ALK: variants seen among roughly 807,000 people sequenced by gnomAD.
ALK encodes ALK receptor tyrosine kinase.
ALK carries 74 observed loss-of-function variants against 163.1 expected under a neutral mutation model. The ratio of observed to expected loss-of-function variants is 0.45; its 90% CI spans 0.38 to 0.55. The LOEUF is 0.55. ALK is among the 20% of genes least tolerant of loss of function. ALK has a pLI of 0.00. For missense variants in ALK, 2,063 were observed against 2,105.3 expected (o/e 0.98, Z 0.39); for synonymous variants, 960 against 843.2 (o/e 1.14, Z -2.40).
At chr2:29,302,571 T>C (rs538341786) in intron 8 of ALK, among the ~76,000 whole-genome samples, 1 of 152,320 alleles carries the variant, frequency 6.6e-6, no homozygotes, top group African/African-American at 2.4e-5. Flanking sequence ...ATACCTCCTA[T>C]GTTTATAGCA....
At chr2:29,873,898 G>A (rs1364189650) in intron 1 of ALK, among the ~76,000 whole-genome samples, 1 of 151,996 alleles carries the variant, frequency 6.6e-6, no homozygotes, top group Non-Finnish European at 1.5e-5. Context: ...CCCCAACAAA[G>A]CAGTAGCCTC....
At chr2:29,849,719 C>T (rs573899932) in intron 1 of ALK, among the ~76,000 whole-genome samples, 11 of 152,250 alleles carry the variant, frequency 7.2e-5, no homozygotes, top group African/African-American at 2.6e-4. Flanking sequence ...TTTGCTGGTA[C>T]CTGGCTGTCA....
At chr2:29,228,730 G>A (rs1259297542) in intron 16 of ALK, among the ~76,000 whole-genome samples, 154 bp downstream of exon 16, 2 of 151,408 alleles carry the variant, frequency 1.3e-5, no homozygotes, top group Non-Finnish European at 2.9e-5. Flanking sequence ...CCCTGCCTCT[G>A]GCTGGTCCAG....
At position 29,196,872 on chromosome 2, in the gene ALK, A is replaced by C; in HGVS notation, c.4074-12T>G. 1 of 1,595,302 alleles carries C rather than the reference A, an allele frequency of 6.3e-7. No homozygotes were observed. The highest frequency in any genetic ancestry group is 2.2e-5 in the East Asian group (1 of 44,796). On this transcript the variant is annotated splice_polypyrimidine_tract_variant and intron_variant, in intron 27 of 28. Transcript: ENST00000389048. ...TCATTATCCGGTATCTAAAAGAAGAAGCACATTAATTAAAATAAGGAGAAG... is the reference window on the plus strand; with the variant it reads ...TCATTATCCGGTATCTAAAAGAAGACGCACATTAATTAAAATAAGGAGAAG...
intron 3 of ALK, among the ~76,000 whole-genome samples, chr2:29,689,804 C>T (rs1301499760): frequency 2.0e-5 from 3 of 152,138 alleles, no homozygotes; most frequent in East Asian, 1.9e-4. Context: ...TAACACATGT[C>T]CCGTTAAGAT....
At chr2:29,883,647 G>A (rs1236324566) in intron 1 of ALK, among the ~76,000 whole-genome samples, 1 of 152,142 alleles carries the variant, frequency 6.6e-6, no homozygotes, top group Non-Finnish European at 1.5e-5. Context: ...GATTCAGTGG[G>A]GTAAAAACTA....
chr2:29,672,599 C>T (rs1196425013), intron 3 of ALK, among the ~76,000 whole-genome samples: 1 of 151,192 alleles, frequency 6.6e-6, no homozygotes, highest in East Asian at 1.9e-4. Flanking sequence ...GGCTTGGTTC[C>T]AAGTCTTTGC....
intron 2 of ALK, among the ~76,000 whole-genome samples, chr2:29,697,483 C>A (rs750681919): frequency 6.6e-6 from 1 of 152,182 alleles, no homozygotes; most frequent in Non-Finnish European, 1.5e-5. Flanking sequence ...CTTTTCTTCC[C>A]CTTCCTTGCT....
chr2:29,733,643 T>C (rs1190947818), intron 1 of ALK, among the ~76,000 whole-genome samples: 1 of 152,218 alleles, frequency 6.6e-6, no homozygotes, highest in African/African-American at 2.4e-5. Flanking sequence ...GTTCAGTCAA[T>C]GTGATTTATA....
chr2:29,245,591 C>T (rs1411598541), intron 12 of ALK, among the ~76,000 whole-genome samples: 1 of 132,030 alleles, frequency 7.6e-6, no homozygotes, highest in Non-Finnish European at 1.6e-5. Context: ...CAGCAGGGCT[C>T]CATGGCTCAG....
chr2:29,572,297 A>G (rs1405933272), intron 3 of ALK, among the ~76,000 whole-genome samples: 3 of 152,218 alleles, frequency 2.0e-5, no homozygotes, highest in African/African-American at 7.2e-5. Flanking sequence ...CCCTGGAAGG[A>G]GACGTCAGCG....
intron 1 of ALK, among the ~76,000 whole-genome samples, chr2:29,752,721 C>T (rs1680406787): frequency 6.6e-6 from 1 of 152,086 alleles, no homozygotes; most frequent in Non-Finnish European, 1.5e-5. Flanking sequence ...GCTTCTATAC[C>T]CTGTTGTTTC....
intron 1 of ALK, among the ~76,000 whole-genome samples, chr2:29,785,050 G>C (rs539831341): frequency 2.0e-5 from 3 of 152,282 alleles, no homozygotes; most frequent in Non-Finnish European, 2.9e-5. Flanking sequence ...GATGGATCCT[G>C]CTGTGGGGGA....
At chr2:29,391,044 C>G (rs981734748) in intron 4 of ALK, among the ~76,000 whole-genome samples, 1 of 152,090 alleles carries the variant, frequency 6.6e-6, no homozygotes, top group East Asian at 1.9e-4. Context: ...GGGCTCCAGG[C>G]TCTGTAGGGG....
chr2:29,851,951 T>C (rs1218401778), intron 1 of ALK, among the ~76,000 whole-genome samples: 1 of 152,126 alleles, frequency 6.6e-6, no homozygotes, highest in Non-Finnish European at 1.5e-5. Context: ...CAGCAGTAAG[T>C]AGTAGAATGA....
intron 9 of ALK, among the ~76,000 whole-genome samples, chr2:29,289,412 A>G (rs910634373): frequency 2.6e-5 from 4 of 152,178 alleles, no homozygotes; most frequent in African/African-American, 9.7e-5. Flanking sequence ...TTTACCCTGC[A>G]TGGCTTATAA....
At chr2:29,359,643 T>C (rs999630769) in intron 5 of ALK, among the ~76,000 whole-genome samples, 1 of 152,230 alleles carries the variant, frequency 6.6e-6, no homozygotes, top group Admixed American at 6.5e-5. Flanking sequence ...ATAGACACTC[T>C]AGCTGGACTT....
intron 1 of ALK, among the ~76,000 whole-genome samples, chr2:29,767,081 C>A (rs1680885298): frequency 2.0e-5 from 3 of 152,184 alleles, no homozygotes; most frequent in Admixed American, 6.5e-5. Flanking sequence ...AAAATAGGAA[C>A]CACAGCTATT....
chr2:29,310,150 A>C (rs1226709724), intron 8 of ALK, among the ~76,000 whole-genome samples: 1 of 152,166 alleles, frequency 6.6e-6, no homozygotes, highest in African/African-American at 2.4e-5. Flanking sequence ...ATCTAAACTC[A>C]GGCCATCTAA....
Sources: allele counts gnomAD v4.1 joint callset (sites outside exome capture counted in the v4.1 genomes callset), GRCh38; gene constraint gnomAD v4.1.1; transcripts MANE v1.5; gene names NCBI Gene and HGNC (gene_info 2026-07-23, HGNC 2026-07-21).